QPCT: variants seen among roughly 807,000 people sequenced by gnomAD.
QPCT encodes EC.
In QPCT, 44 loss-of-function variants were observed where a neutral mutation model predicts 43.4. The ratio of observed to expected loss-of-function variants is 1.01; its 90% CI spans 0.80 to 1.30. The LOEUF is 1.30. Among genes scored for constraint, QPCT ranks in the 50% most tolerant of loss-of-function variants. QPCT has a pLI of 0.00. For missense variants in QPCT, 526 were observed against 436.5 expected (o/e 1.21, Z -1.83); for synonymous variants, 168 against 168.4 (o/e 1.00, Z 0.02).
Position 37,344,763 on chromosome 2 carries a change from G to A in QPCT, c.32G>A (p.Gly11Asp), listed in dbSNP as rs1424844147. The A allele has an allele frequency of 1.2e-5, 20 of 1,607,824 alleles. No homozygotes were observed. Among genetic ancestry groups the A allele is most frequent in the Non-Finnish European group, 1.5e-5 (18 of 1,178,316 alleles). ...GGCGGAAGACACCGGCGCGTCGTGGGCACCCTCCACCTGCTGCTGCTGGTG... is the reference window on the plus strand; with the variant it reads ...GGCGGAAGACACCGGCGCGTCGTGGACACCCTCCACCTGCTGCTGCTGGTG... MAGGRHRRVV[G>D]TLHLLLLVAA... The change falls in exon 1 of 7, where the codon GGC becomes GAC. Residue 11 changes from glycine (G) to aspartate (D), a missense_variant. Gly to Asp is a moderately conservative substitution (Grantham distance 94, BLOSUM62 -1). Coordinates refer to ENST00000338415, the MANE Select transcript of QPCT (RefSeq NM_012413.4).
chr2:37,350,730 G>A (rs966148127), intron 1 of QPCT, among the ~76,000 whole-genome samples: 7 of 152,230 alleles, frequency 4.6e-5, no homozygotes, highest in Admixed American at 4.6e-4. Flanking sequence ...GGAGGTTGGA[G>A]ACTAGAGCAT....
intron 3 of QPCT, 49 bp from the exon 4 acceptor site, chr2:37,367,183 T>C: frequency 6.6e-7 from 1 of 1,523,774 alleles, no homozygotes; most frequent in Non-Finnish European, 9.0e-7. Flanking sequence ...ATGCTATTTT[T>C]CATCATCACA....
chr2:37,344,653 G>A lies in QPCT; in HGVS notation c.-79G>A. 1 of 1,521,646 alleles carries A rather than the reference G, an allele frequency of 6.6e-7. No individual in the cohort carries two copies. The highest frequency in any genetic ancestry group is 8.8e-7 in the Non-Finnish European group (1 of 1,135,836). 94.3% of individuals were successfully genotyped at this position (1,521,646 alleles called of 1,614,324 possible). ...GCAGTCGACCCAAGGGTGGAGAAGA[G>A]GGAAGGCGAAGGACGCGCGTTCCCG... is the stretch of plus-strand genomic sequence containing the variant. On this transcript the variant is annotated 5_prime_UTR_variant, in exon 1 of 7. Coordinates refer to ENST00000338415, the MANE Select transcript of QPCT (RefSeq NM_012413.4).
chr2:37,367,913 G>C (rs1672999035), intron 4 of QPCT, among the ~76,000 whole-genome samples: 1 of 152,080 alleles, frequency 6.6e-6, no homozygotes, highest in African/African-American at 2.4e-5. Context: ...AGCCATGTTT[G>C]ACTGAGCTTA....
At position 37,353,050 on chromosome 2, in the gene QPCT, T is replaced by G. The variant is rs1218257664; in HGVS notation, c.267+115T>G. 1.2e-5 allele frequency: 15 copies of G among 1,240,790 alleles called. No individual in the cohort carries two copies. The East Asian group carries it at 3.5e-4, about 29-fold the overall frequency. The allele number at this position is 1,240,790 out of a possible 1,614,324, so 76.9% of individuals were successfully genotyped here. On this transcript the variant is annotated intron_variant, in intron 2 of 6. Transcript: ENST00000338415. ...AATATTCAGATCTGTCATCTCCTCATTCACCAAATAGTCAACCAAGAAAAA... is the reference window on the plus strand; with the variant it reads ...AATATTCAGATCTGTCATCTCCTCAGTCACCAAATAGTCAACCAAGAAAAA...
chr2:37,348,118 C>T (rs1468546828), intron 1 of QPCT, among the ~76,000 whole-genome samples: 1 of 151,782 alleles, frequency 6.6e-6, no homozygotes, highest in Non-Finnish European at 1.5e-5. Context: ...CTAATGGAAG[C>T]AACGACGGAG....
chr2:37,356,140 T>A (rs1672740634), intron 2 of QPCT, among the ~76,000 whole-genome samples: 1 of 152,146 alleles, frequency 6.6e-6, no homozygotes. Flanking sequence ...AAACTAGAAT[T>A]TATGTTTAAT....
chr2:37,372,975 C>T lies in QPCT; in HGVS notation c.*148C>T. The T allele has an allele frequency of 1.6e-6, 1 of 626,850 alleles. No homozygotes were observed. Among genetic ancestry groups the T allele is most frequent in the Non-Finnish European group, 2.5e-6 (1 of 397,670 alleles). 38.8% of individuals were successfully genotyped at this position (626,850 alleles called of 1,614,324 possible). A position where few individuals can be genotyped will look rare whatever the true frequency, so the allele number is the denominator to read the frequency against. On this transcript the variant is annotated 3_prime_UTR_variant, in exon 7 of 7. Coordinates refer to ENST00000338415, the MANE Select transcript of QPCT (RefSeq NM_012413.4). ...TCTTATGTGTCTTTGGTTATCAGATCAATTACAGAATAATTGTGTTGTGAT... is the reference window on the plus strand; with the variant it reads ...TCTTATGTGTCTTTGGTTATCAGATTAATTACAGAATAATTGTGTTGTGAT...
At chr2:37,370,555 T>C (rs565817315) in intron 5 of QPCT, among the ~76,000 whole-genome samples, 3 of 152,342 alleles carry the variant, frequency 2.0e-5, no homozygotes, top group African/African-American at 7.2e-5. Context: ...GTCTTTGCCA[T>C]CTTCTATTTT....
intron 3 of QPCT, among the ~76,000 whole-genome samples, chr2:37,365,095 A>C (rs1027883537): frequency 1.4e-4 from 21 of 151,570 alleles, no homozygotes; most frequent in Non-Finnish European, 2.8e-4. Flanking sequence ...ACACACACAC[A>C]CAAGACAACA....
chr2:37,372,782 A>G lies in QPCT; in HGVS notation c.1041A>G (p.Leu347=). 2 of 1,612,948 alleles carry G rather than the reference A, an allele frequency of 1.2e-6. No homozygotes were observed. The highest frequency in any genetic ancestry group is 1.7e-6 in the Non-Finnish European group (2 of 1,179,124). ...TGGATGAATCAACCATTGACAATCT[A>G]AACAAAATCCTACAAGTCTTTGTGT... ...ENLDESTIDN[L]NKILQVFVLE... Residue 347 remains leucine, a synonymous_variant, in exon 7 of 7, where the codon CTA becomes CTG. Transcript: ENST00000338415.
chr2:37,352,039 A>AT (rs968087244), intron 1 of QPCT, among the ~76,000 whole-genome samples: 1 of 151,992 alleles, frequency 6.6e-6, no homozygotes, highest in African/African-American at 2.4e-5. Flanking sequence ...CAAAAAAAAA[A>AT]AAAAGATTAT....
intron 2 of QPCT, among the ~76,000 whole-genome samples, chr2:37,355,079 G>A (rs1405265680): frequency 2.0e-5 from 3 of 152,138 alleles, no homozygotes; most frequent in African/African-American, 7.2e-5. Context: ...CTATCATATG[G>A]GGGTGGAGGC....
intron 1 of QPCT, among the ~76,000 whole-genome samples, chr2:37,346,275 A>G (rs1672487964): frequency 6.6e-6 from 1 of 152,232 alleles, no homozygotes; most frequent in Non-Finnish European, 1.5e-5. Flanking sequence ...GTAACATAAG[A>G]ATAACTTTAT....
chr2:37,349,282 G>A (rs1323252984), intron 1 of QPCT, among the ~76,000 whole-genome samples: 3 of 152,186 alleles, frequency 2.0e-5, no homozygotes, highest in African/African-American at 7.2e-5. Context: ...GCAAACACAT[G>A]TAAGTCTCTA....
intron 5 of QPCT, among the ~76,000 whole-genome samples, chr2:37,371,507 A>G (rs74776202): frequency 0.015 from 2,351 of 151,874 alleles, 56 homozygotes; most frequent in African/African-American, 0.053. Context: ...ACAGACAAGA[A>G]TATTGTTTTT....
intron 2 of QPCT, among the ~76,000 whole-genome samples, chr2:37,353,264 G>C (rs1672661034): frequency 6.6e-6 from 1 of 152,110 alleles, no homozygotes; most frequent in Non-Finnish European, 1.5e-5. Flanking sequence ...ACAGGCTTAG[G>C]GAGTCCTTGC....
chr2:37,350,287 G>T (rs1208097461), intron 1 of QPCT, among the ~76,000 whole-genome samples: 1 of 152,168 alleles, frequency 6.6e-6, no homozygotes, highest in Non-Finnish European at 1.5e-5. Flanking sequence ...CTGTTGGCAG[G>T]GTTGAGTAAT....
intron 1 of QPCT, among the ~76,000 whole-genome samples, chr2:37,351,806 C>T (rs1181894480): frequency 2.6e-5 from 4 of 151,988 alleles, no homozygotes; most frequent in African/African-American, 4.8e-5. Flanking sequence ...TGCTTGAACC[C>T]GGGAGGCAGA....
Sources: allele counts gnomAD v4.1 joint callset (sites outside exome capture counted in the v4.1 genomes callset), GRCh38; gene constraint gnomAD v4.1.1; transcripts MANE v1.5; gene names NCBI Gene and HGNC (gene_info 2026-07-23, HGNC 2026-07-21).